The following MOGAT2 variants were observed in gnomAD, a reference collection of about 807,000 sequenced individuals.
MOGAT2 encodes the protein 2-acylglycerol O-acyltransferase 2.
Under a neutral mutation model 31.5 loss-of-function variants are expected in MOGAT2, and 27 were observed. The ratio of observed to expected loss-of-function variants is 0.86; its 90% CI spans 0.63 to 1.18. MOGAT2 has a LOEUF of 1.18. MOGAT2 is among the 50% of genes most tolerant of loss of function. MOGAT2 has a pLI of 0.00. For missense variants in MOGAT2, 436 were observed against 433.2 expected (o/e 1.01, Z -0.06); for synonymous variants, 163 against 170.0 (o/e 0.96, Z 0.32).
At position 75,731,428 on chromosome 11, in the gene MOGAT2, C is replaced by T; in HGVS notation, c.*142C>T. ...ACCCATATCAGGCTGTAAGTCAGAG[C>T]AGGCAATGCAGAAGAGGAGACCAGA... is the stretch of plus-strand genomic sequence containing the variant. On this transcript the variant is annotated 3_prime_UTR_variant, in exon 6 of 6. Coordinates refer to ENST00000198801, the MANE Select transcript of MOGAT2 (RefSeq NM_025098.4). 1 of 941,086 alleles carries T rather than the reference C, an allele frequency of 1.1e-6. No homozygotes were observed. Among genetic ancestry groups the T allele is most frequent in the Non-Finnish European group, 1.5e-6 (1 of 670,930 alleles). 58.3% of individuals were successfully genotyped at this position (941,086 alleles called of 1,614,324 possible). A position where few individuals can be genotyped will look rare whatever the true frequency, so the allele number is the denominator to read the frequency against.
intron 2 of MOGAT2, 67 bp from the exon 3 acceptor site, chr11:75,727,368 A>G (rs1944429898): frequency 2.0e-6 from 3 of 1,493,344 alleles, no homozygotes; most frequent in Non-Finnish European, 2.8e-6. Context: ...AGGTCACACC[A>G]GTGAGTGGCA....
Position 75,731,296 on chromosome 11 carries a change from G to T in MOGAT2, c.*10G>T, listed in dbSNP as rs753084459. ...CTTGGAGTTCTGCTGAGCCCAAAGG[G>T]CAGGGCCAACATTAGGGAGCCCAGC... On this transcript the variant is annotated 3_prime_UTR_variant, in exon 6 of 6. Coordinates refer to ENST00000198801, the MANE Select transcript of MOGAT2 (RefSeq NM_025098.4). The T allele has an allele frequency of 2.2e-5, 36 of 1,613,186 alleles. No individual in the cohort carries two copies. The highest frequency in any genetic ancestry group is 2.8e-5 in the Non-Finnish European group (33 of 1,179,588).
chr11:75,717,904 C>A lies in MOGAT2; in HGVS notation c.16C>A (p.Pro6Thr). Residue 6 changes from proline (P) to threonine (T), a missense_variant, in exon 1 of 6, where the codon CCC becomes ACC. Transcript: ENST00000198801. MVEFA[P>T]LFMPWERRLQ... is the part of the protein sequence containing the mutation. ...ACCCGCCAGCATGGTAGAGTTCGCG[C>A]CCTTGTTTATGCCGTGGGAGCGCAG... is the stretch of plus-strand genomic sequence containing the variant. The A allele has an allele frequency of 9.9e-6, 16 of 1,614,164 alleles. No homozygotes were observed. The highest frequency in any genetic ancestry group is 1.4e-5 in the Non-Finnish European group (16 of 1,180,012).
intron 2 of MOGAT2, among the ~76,000 whole-genome samples, chr11:75,724,561 C>T (rs1163493644): frequency 4.6e-5 from 7 of 151,962 alleles, no homozygotes; most frequent in Non-Finnish European, 1.0e-4. Context: ...ACTCGGGAGG[C>T]TAAGGCAGGA....
chr11:75,719,796 T>G, intron 1 of MOGAT2, 196 bp from the exon 2 acceptor site: 1 of 580,150 alleles, frequency 1.7e-6, no homozygotes, highest in Non-Finnish European at 3.1e-6. Context: ...CCAGTGACAC[T>G]GGGCTGGCCG....
rs781112029 is a variant in MOGAT2 at position 75,720,061 on chromosome 11, C to A, written c.161C>A (p.Ala54Glu). 2.5e-6 allele frequency: 4 copies of A among 1,614,196 alleles called. No individual in the cohort carries two copies. The highest frequency in any genetic ancestry group is 1.3e-5 in the African/African-American group (1 of 75,056). The change falls in exon 2 of 6, where the codon GCG (alanine) becomes GAG (glutamate). Residue 54 changes from alanine (A) to glutamate (E), a missense_variant. Transcript: ENST00000198801. ...TRFWLLTVLY[A>E]AWWYLDRDKP... is the part of the protein sequence containing the mutation. ...TTCTGGCTCCTCACTGTCCTGTATGCGGCCTGGTGGTATCTGGACCGAGAC... is the reference window on the plus strand; with the variant it reads ...TTCTGGCTCCTCACTGTCCTGTATGAGGCCTGGTGGTATCTGGACCGAGAC...
intron 2 of MOGAT2, among the ~76,000 whole-genome samples, chr11:75,726,155 T>C (rs989489525): frequency 1.3e-5 from 2 of 152,216 alleles, no homozygotes; most frequent in Non-Finnish European, 2.9e-5. Context: ...TGGATGCTGC[T>C]ACACTCTCAT....
At chr11:75,722,120 C>A (rs1442372208) in intron 2 of MOGAT2, among the ~76,000 whole-genome samples, 2 of 152,184 alleles carry the variant, frequency 1.3e-5, no homozygotes, top group African/African-American at 2.4e-5. Flanking sequence ...GTTTCCCCTG[C>A]ACCTCATATG....
At chr11:75,718,235 T>C (rs1198244004) in intron 1 of MOGAT2, among the ~76,000 whole-genome samples, 1 of 152,120 alleles carries the variant, frequency 6.6e-6, no homozygotes, top group Non-Finnish European at 1.5e-5. Context: ...GGGTTCTCCT[T>C]TGGCACTTGG....
intron 2 of MOGAT2, 29 bp from the exon 3 acceptor site, chr11:75,727,406 C>T: frequency 2.5e-6 from 4 of 1,604,200 alleles, no homozygotes; most frequent in Non-Finnish European, 3.4e-6. Context: ...CAGGCCCCGC[C>T]CTGGCTCAGC....
chr11:75,727,980 A>G lies in MOGAT2; in HGVS notation c.486A>G (p.Thr162=), dbSNP rs771724897. The G allele has an allele frequency of 5.0e-5, 81 of 1,609,192 alleles. No individual in the cohort carries two copies. The highest frequency in any genetic ancestry group is 1.2e-4 in the South Asian group (11 of 90,542). ...RDYIMSAGLV[T]SEKESAAHIL... ...TTTCTCTTTCCCTAGGGTTGGTCAC[A>G]TCAGAAAAGGAGAGTGCTGCTCACA... Residue 162 remains threonine (T), a synonymous_variant, in exon 4 of 6, where the codon ACA becomes ACG. Coordinates refer to ENST00000198801, the MANE Select transcript of MOGAT2 (RefSeq NM_025098.4).
intron 2 of MOGAT2, among the ~76,000 whole-genome samples, chr11:75,722,588 G>A (rs1286001812): frequency 2.0e-5 from 3 of 152,218 alleles, no homozygotes; most frequent in African/African-American, 2.4e-5. Context: ...CATTCAGCGC[G>A]GCTAAAGCAG....
At chr11:75,727,307 G>A in intron 2 of MOGAT2, 128 bp from the exon 3 acceptor site, 1 of 722,034 alleles carries the variant, frequency 1.4e-6, no homozygotes, top group Non-Finnish European at 2.3e-6. Context: ...AGAACCCAGG[G>A]TGGTCAGACA....
At position 75,728,142 on chromosome 11, in the gene MOGAT2, C is replaced by T. The variant is rs747008587; in HGVS notation, c.648C>T (p.His216=). 34 of 1,612,314 alleles carry T rather than the reference C, an allele frequency of 2.1e-5. No individual in the cohort carries two copies. The highest frequency in any genetic ancestry group is 8.9e-5 in the East Asian group (4 of 44,862). ...GCTTCGTCAGGCTCGCCCTGACACA[C>T]GGGTATCAAGCCTCTGGGAAGAGCA... ...RKGFVRLALT[H]GAPLVPIFSF... Residue 216 remains histidine, a splice_region_variant and synonymous_variant, in exon 4 of 6, where the codon CAC becomes CAT. Transcript: ENST00000198801.
At chr11:75,728,622 T>C in intron 4 of MOGAT2, 168 bp from the exon 5 acceptor site, 2 of 628,948 alleles carry the variant, frequency 3.2e-6, no homozygotes, top group East Asian at 2.7e-5. Flanking sequence ...GGTCAGAGAA[T>C]GGGGCTGTGA....
At chr11:75,723,596 A>C (rs564163703) in intron 2 of MOGAT2, among the ~76,000 whole-genome samples, 2 of 152,186 alleles carry the variant, frequency 1.3e-5, no homozygotes, top group African/African-American at 4.8e-5. Context: ...CAACTTTTAA[A>C]AAAATGTTTG....
At chr11:75,720,240 G>A (rs1294397763) in intron 2 of MOGAT2, 70 bp downstream of exon 2, 40 of 1,522,236 alleles carry the variant, frequency 2.6e-5, no homozygotes, top group African/African-American at 6.9e-5. Context: ...GAGTGCCGAC[G>A]TCTCCATGGG....
intron 5 of MOGAT2, among the ~76,000 whole-genome samples, chr11:75,729,503 G>C (rs1186193970): frequency 6.6e-6 from 1 of 152,040 alleles, no homozygotes; most frequent in Non-Finnish European, 1.5e-5. Flanking sequence ...TCAAACTCCT[G>C]ACCACAAGTG....
chr11:75,728,473 C>T (rs1226348345), intron 4 of MOGAT2: 2 of 547,326 alleles, frequency 3.7e-6, no homozygotes, highest in African/African-American at 3.8e-5. Context: ...CCTTGAGAAA[C>T]ATGAGCCAGC....
Sources: allele counts gnomAD v4.1 joint callset (sites outside exome capture counted in the v4.1 genomes callset), GRCh38; gene constraint gnomAD v4.1.1; transcripts MANE v1.5; gene names NCBI Gene and HGNC (gene_info 2026-07-23, HGNC 2026-07-21).